GIMAP6: variants seen among roughly 807,000 people sequenced by gnomAD.
GIMAP6 encodes GTPase, IMAP family member 6, also known as GTPase IMAP family member 6.
A neutral mutation model predicts 9.3 loss-of-function variants in GIMAP6; 6 were observed. The observed-to-expected ratio is 0.65, with a 90% CI of 0.35 to 1.27. GIMAP6 has a LOEUF of 1.27. GIMAP6 is among the 50% of genes most tolerant of loss of function. The pLI is 0.03. For synonymous variants in GIMAP6, 156 were observed against 151.1 expected (o/e 1.03, Z -0.24); for missense variants, 333 against 359.5 (o/e 0.93, Z 0.60).
intron 1 of GIMAP6, among the ~76,000 whole-genome samples, chr7:150,631,850 G>C (rs553012011): frequency 6.6e-6 from 1 of 152,084 alleles, no homozygotes; most frequent in Admixed American, 6.6e-5. Context: ...TTCTCCAGAC[G>C]TGTTGGTCAC....
chr7:150,627,942 A>G lies in GIMAP6; in HGVS notation c.656T>C (p.Val219Ala), dbSNP rs780975809. ...EAQLRELMEK[V>A]EAIMWENEGD... ...TTCGTTTTCCCACATAATGGCTTCAACTTTCTCCATGAGCTCTCGCAGTTG... is the reference window on the plus strand; with the variant it reads ...TTCGTTTTCCCACATAATGGCTTCAGCTTTCTCCATGAGCTCTCGCAGTTG... The change falls in exon 3 of 3, where the codon GTT becomes GCT. Residue 219 changes from valine to alanine, a missense_variant. Physicochemically the swap from Val to Ala is moderately conservative, Grantham distance 64. Coordinates refer to ENST00000328902, the MANE Select transcript of GIMAP6 (RefSeq NM_024711.6). 1 of 1,614,224 alleles carries G rather than the reference A, an allele frequency of 6.2e-7. No individual in the cohort carries two copies. The highest frequency in any genetic ancestry group is 1.7e-5 in the Admixed American group (1 of 60,032).
Position 150,628,100 on chromosome 7 carries a change from T to G in GIMAP6, c.498A>C (p.Glu166Asp). Residue 166 changes from glutamate to aspartate, a missense_variant, in exon 3 of 3, where the codon GAA becomes GAC. Transcript: ENST00000328902. ...GHTILVFTRK[E>D]DLAGGSLEDY... is the part of the protein sequence containing the mutation. ...CTTCCAGGGAGCCGCCAGCCAGGTC[T>G]TCCTTCCGGGTGAACACCAGGATGG... is the stretch of plus-strand genomic sequence containing the variant. 6.2e-7 allele frequency: 1 copy of G among 1,614,208 alleles called. No individual in the cohort carries two copies. The highest frequency in any genetic ancestry group is 8.5e-7 in the Non-Finnish European group (1 of 1,180,030).
rs541383633 is a variant in GIMAP6 at position 150,625,920 on chromosome 7, T to C, written c.*1799A>G. ...AAAATTCTGACCAAATCTTAAGGAGTGTGAATGAGAACTGAATGTATGATA... is the reference window on the plus strand; with the variant it reads ...AAAATTCTGACCAAATCTTAAGGAGCGTGAATGAGAACTGAATGTATGATA... On this transcript the variant is annotated 3_prime_UTR_variant, in exon 3 of 3. Coordinates refer to ENST00000328902, the MANE Select transcript of GIMAP6 (RefSeq NM_024711.6). 1 of 151,500 alleles carries C rather than the reference T, an allele frequency of 6.6e-6. No individual in the cohort carries two copies. Among genetic ancestry groups the C allele is most frequent in the Admixed American group, 6.6e-5 (1 of 15,224 alleles). 9.4% of individuals were successfully genotyped at this position (151,500 alleles called of 1,614,324 possible).
intron 2 of GIMAP6, among the ~76,000 whole-genome samples, chr7:150,629,423 A>G (rs567513520): frequency 1.4e-4 from 22 of 152,214 alleles, no homozygotes; most frequent in Non-Finnish European, 2.9e-4. Context: ...TAAAATACAT[A>G]ATGAATCACA....
At chr7:150,629,856 C>G (rs570932755) in intron 2 of GIMAP6, among the ~76,000 whole-genome samples, 2 of 152,032 alleles carry the variant, frequency 1.3e-5, no homozygotes, top group Non-Finnish European at 2.9e-5. Context: ...ATCTACCATA[C>G]CTATCCAGGG....
Position 150,628,480 on chromosome 7 carries a change from T to G in GIMAP6, c.118A>C (p.Arg40=). 1 of 1,614,100 alleles carries G rather than the reference T, an allele frequency of 6.2e-7. No individual in the cohort carries two copies. Residue 40 remains arginine, a synonymous_variant, in exon 3 of 3, where the codon AGA becomes CGA. Transcript: ENST00000328902. ...TTCCCCATGAGAATGAGCCTCAGTC[T>G]CCTTGGGGTCTTCTGTTCTTTCTCC... ...LREKEQKTPR[R]LRLILMGKTG...
intron 2 of GIMAP6, chr7:150,628,929 A>G: frequency 2.1e-6 from 1 of 480,580 alleles, no homozygotes; most frequent in South Asian, 4.6e-5. Flanking sequence ...CTCAGATGAC[A>G]AAGCATGAAG....
intron 2 of GIMAP6, 185 bp from the exon 3 acceptor site, chr7:150,628,697 G>C: frequency 6.5e-7 from 1 of 1,533,586 alleles, no homozygotes; most frequent in Non-Finnish European, 8.7e-7. Flanking sequence ...GGGGCTGAAC[G>C]TTCTCTCCCA....
chr7:150,629,910 C>A, intron 2 of GIMAP6, 148 bp downstream of exon 2: 1 of 657,722 alleles, frequency 1.5e-6, no homozygotes, highest in East Asian at 3.0e-5. Context: ...GGGCCCTACC[C>A]CAAAGGCCTC....
intron 1 of GIMAP6, among the ~76,000 whole-genome samples, chr7:150,631,607 T>G (rs1796393027): frequency 6.6e-6 from 1 of 152,224 alleles, no homozygotes. Flanking sequence ...TGCAGGAACC[T>G]GCACTGTGCC....
intron 1 of GIMAP6, among the ~76,000 whole-genome samples, chr7:150,630,539 G>A (rs1174608820): frequency 6.6e-6 from 1 of 152,228 alleles, no homozygotes; most frequent in African/African-American, 2.4e-5. Context: ...ACAGAAGCAG[G>A]TGTGATTCTG....
intron 1 of GIMAP6, among the ~76,000 whole-genome samples, chr7:150,630,833 T>G (rs1796379409): frequency 6.6e-6 from 1 of 152,252 alleles, no homozygotes; most frequent in Non-Finnish European, 1.5e-5. Context: ...CTTCCCCTAT[T>G]AAGGTCTCAA....
intron 1 of GIMAP6, among the ~76,000 whole-genome samples, chr7:150,631,886 TGCACACACCACA>T (rs1028608531): frequency 2.0e-5 from 3 of 152,008 alleles, no homozygotes; most frequent in Non-Finnish European, 4.4e-5. Context: ...ATTACAAACC[TGCACACACCACA>T]GCACACACAA....
At position 150,627,900 on chromosome 7, in the gene GIMAP6, T is replaced by C; in HGVS notation, c.698A>G (p.Asn233Ser). The change falls in exon 3 of 3, where the codon AAC (asparagine) becomes AGC (serine). Residue 233 changes from asparagine to serine, a missense_variant. Asn to Ser is a conservative substitution (Grantham distance 46). Transcript: ENST00000328902. Reference sequence around the variant, plus strand: ...TTGCTGGGTATATTGGTAAGCCTTGTTGCTGTAATAATCTCCTTCGTTTTC... The same window carrying C: ...TTGCTGGGTATATTGGTAAGCCTTGCTGCTGTAATAATCTCCTTCGTTTTC... The part of the protein sequence containing the change: ...MWENEGDYYS[N>S]KAYQYTQQNF... 7 of 1,614,274 alleles carry C rather than the reference T, an allele frequency of 4.3e-6. No individual in the cohort carries two copies. Among genetic ancestry groups the C allele is most frequent in the Non-Finnish European group, 5.9e-6 (7 of 1,180,052 alleles).
In GIMAP6 at chr7:150,627,934, T is replaced by C. The variant is rs777730847; in HGVS notation, c.664A>G (p.Ile222Val). Residue 222 changes from isoleucine (I) to valine (V), a missense_variant, in exon 3 of 3, where the codon ATT (isoleucine) becomes GTT (valine). Coordinates refer to ENST00000328902, the MANE Select transcript of GIMAP6 (RefSeq NM_024711.6). Reference sequence around the variant, plus strand: ...TAATCTCCTTCGTTTTCCCACATAATGGCTTCAACTTTCTCCATGAGCTCT... The same window carrying C: ...TAATCTCCTTCGTTTTCCCACATAACGGCTTCAACTTTCTCCATGAGCTCT... ...LRELMEKVEAIMWENEGDYYS... is the reference protein window; with the variant it reads ...LRELMEKVEAVMWENEGDYYS... 1.2e-6 allele frequency: 2 copies of C among 1,614,136 alleles called. No homozygotes were observed. Among genetic ancestry groups the C allele is most frequent in the African/African-American group, 1.3e-5 (1 of 74,952 alleles).
In GIMAP6 at chr7:150,627,506, G is replaced by A; in HGVS notation, c.*213C>T. The A allele has an allele frequency of 1.6e-6, 1 of 615,544 alleles. No individual in the cohort carries two copies. The allele number at this position is 615,544 out of a possible 1,614,324, so 38.1% of individuals were successfully genotyped here. A position where few individuals can be genotyped will look rare whatever the true frequency, so the allele number is the denominator to read the frequency against. The stretch of plus-strand genomic sequence containing the variant: ...GCGTGCTGTTGGGGCACAGAGGAGG[G>A]AGGACCCAGATGTTCTGGAAGAAGG... On this transcript the variant is annotated 3_prime_UTR_variant, in exon 3 of 3. Transcript: ENST00000328902.
chr7:150,630,037 C>G, intron 2 of GIMAP6, 21 bp downstream of exon 2: 39 of 1,497,020 alleles, frequency 2.6e-5, no homozygotes, highest in Non-Finnish European at 3.3e-5. Context: ...CCACTTGCTC[C>G]CCTCTCCTCA....
chr7:150,627,345 T>A lies in GIMAP6; in HGVS notation c.*374A>T, dbSNP rs995089540. 2.7e-5 allele frequency: 8 copies of A among 297,868 alleles called. No homozygotes were observed. The highest frequency in any genetic ancestry group is 4.5e-5 in the Non-Finnish European group (7 of 154,858). The allele number at this position is 297,868 out of a possible 1,614,324, so 18.5% of individuals were successfully genotyped here. ...ACCAAACGTGACTGCATGACTCCAA[T>A]GCAGTCAAAAGCTGTGGAAGTTACA... On this transcript the variant is annotated 3_prime_UTR_variant, in exon 3 of 3. Coordinates refer to ENST00000328902, the MANE Select transcript of GIMAP6 (RefSeq NM_024711.6).
rs1796364603 is a variant in GIMAP6 at position 150,630,051 on chromosome 7, A to C, written c.85+7T>G. The C allele has an allele frequency of 3.8e-6, 6 of 1,574,128 alleles. No individual in the cohort carries two copies. In the South Asian group the frequency reaches 6.8e-5, roughly 18 times the overall value. On this transcript the variant is annotated splice_region_variant and intron_variant, in intron 2 of 2. Coordinates refer to ENST00000328902, the MANE Select transcript of GIMAP6 (RefSeq NM_024711.6). ...CCCACTTGCTCCCCTCTCCTCATTC[A>C]TTTTACCTCCTGACAGCTCCAGCAC...
Sources: allele counts gnomAD v4.1 joint callset (sites outside exome capture counted in the v4.1 genomes callset), GRCh38; gene constraint gnomAD v4.1.1; transcripts MANE v1.5; gene names NCBI Gene and HGNC (gene_info 2026-07-23, HGNC 2026-07-21).